Variants in DNM3 observed in about 807,000 individuals in gnomAD.
The protein encoded by DNM3 is dynamin-3.
Under a neutral mutation model 101.6 loss-of-function variants are expected in DNM3, and 47 were observed. The ratio of observed to expected loss-of-function variants is 0.46; its 90% CI spans 0.37 to 0.59. The LOEUF (loss-of-function observed/expected upper bound fraction) is 0.59. DNM3 is among the 20% of genes least tolerant of loss of function. The pLI is 0.00. For missense variants in DNM3, 849 were observed against 1,085.7 expected (o/e 0.78, Z 3.06); for synonymous variants, 385 against 387.9 (o/e 0.99, Z 0.09).
intron 14 of DNM3, among the ~76,000 whole-genome samples, chr1:172,252,450 A>C (rs1029706498): frequency 3.3e-5 from 5 of 152,174 alleles, no homozygotes; most frequent in African/African-American, 1.2e-4. Context: ...TGTAGGAACA[A>C]AAGGATTTAT....
chr1:171,890,322 T>G (rs2037157121), intron 1 of DNM3, among the ~76,000 whole-genome samples: 1 of 152,206 alleles, frequency 6.6e-6, no homozygotes, highest in African/African-American at 2.4e-5. Flanking sequence ...TCTGTGAATT[T>G]ATATAGAAGT....
chr1:171,931,930 T>TA (rs2041037624), intron 2 of DNM3, among the ~76,000 whole-genome samples: 1 of 152,154 alleles, frequency 6.6e-6, no homozygotes, highest in Non-Finnish European at 1.5e-5. Context: ...ACTGATACCT[T>TA]AAAAATATTT....
intron 4 of DNM3, among the ~76,000 whole-genome samples, chr1:172,002,798 T>C (rs951158254): frequency 6.6e-6 from 1 of 152,054 alleles, no homozygotes; most frequent in African/African-American, 2.4e-5. Context: ...AATTTGGATT[T>C]TTAAAAAGTA....
At chr1:172,044,111 G>T (rs183851780) in intron 8 of DNM3, among the ~76,000 whole-genome samples, 10 of 152,224 alleles carry the variant, frequency 6.6e-5, no homozygotes, top group Non-Finnish European at 1.2e-4. Flanking sequence ...CAAATGAATG[G>T]CTAGATTTAT....
At chr1:171,890,100 G>A (rs932924541) in intron 1 of DNM3, among the ~76,000 whole-genome samples, 6 of 152,086 alleles carry the variant, frequency 3.9e-5, no homozygotes, top group Non-Finnish European at 8.8e-5. Flanking sequence ...TTTATTCTCC[G>A]AACCATTTCT....
chr1:172,303,489 G>C (rs181934670), intron 15 of DNM3, among the ~76,000 whole-genome samples: 1 of 152,272 alleles, frequency 6.6e-6, no homozygotes, highest in African/African-American at 2.4e-5. Context: ...TTCCAACCTA[G>C]CAAGGGAGGC....
chr1:172,048,811 C>T lies in DNM3; in HGVS notation c.1335+61C>T, dbSNP rs1276616627. Reference sequence around the variant, plus strand: ...TTTGGTTTATCAACATTCCCTATCTCATTGCATGATTCTCTTTCCCTGACC... The same window carrying T: ...TTTGGTTTATCAACATTCCCTATCTTATTGCATGATTCTCTTTCCCTGACC... On this transcript the variant is annotated intron_variant, in intron 10 of 20. Coordinates refer to ENST00000627582, the MANE Select transcript of DNM3 (RefSeq NM_015569.5). 24 of 1,557,006 alleles carry T rather than the reference C, an allele frequency of 1.5e-5. No homozygotes were observed. The East Asian group carries it at 5.0e-4, about 32-fold the overall frequency.
chr1:171,874,818 C>G (rs1050740355), intron 1 of DNM3, among the ~76,000 whole-genome samples: 2 of 151,122 alleles, frequency 1.3e-5, no homozygotes, highest in Admixed American at 1.3e-4. Flanking sequence ...GCCCTTCTCC[C>G]TTCCTTTACT....
chr1:171,873,462 G>A (rs1209778233), intron 1 of DNM3, among the ~76,000 whole-genome samples: 2 of 152,102 alleles, frequency 1.3e-5, no homozygotes, highest in African/African-American at 4.8e-5. Context: ...TTTTAACTGG[G>A]GAGATGGATA....
At chr1:172,244,604 A>T (rs2061878393) in intron 14 of DNM3, among the ~76,000 whole-genome samples, 1 of 152,208 alleles carries the variant, frequency 6.6e-6, no homozygotes, top group Non-Finnish European at 1.5e-5. Flanking sequence ...ACATGAAAAA[A>T]TGTTCATCAT....
intron 14 of DNM3, among the ~76,000 whole-genome samples, chr1:172,234,995 C>T (rs1009718445): frequency 3.9e-5 from 6 of 152,142 alleles, no homozygotes; most frequent in African/African-American, 1.4e-4. Context: ...CCAAAACTGA[C>T]AAATGGGATC....
At chr1:172,351,427 A>G (rs1027194500) in intron 17 of DNM3, among the ~76,000 whole-genome samples, 1 of 152,176 alleles carries the variant, frequency 6.6e-6, no homozygotes, top group Non-Finnish European at 1.5e-5. Flanking sequence ...TTTTTTAGCA[A>G]TAAGAATTTA....
At chr1:171,983,158 C>T (rs2044942231) in intron 2 of DNM3, among the ~76,000 whole-genome samples, 1 of 152,020 alleles carries the variant, frequency 6.6e-6, no homozygotes. Context: ...AACAAAACTC[C>T]TTAAAAGAAC....
At chr1:171,864,759 A>G (rs979439724) in intron 1 of DNM3, 2 of 152,182 alleles carry the variant, frequency 1.3e-5, no homozygotes, top group African/African-American at 4.8e-5. Flanking sequence ...TATAGATTGA[A>G]TATTTGTAAA....
chr1:172,176,969 A>G (rs746714734), intron 14 of DNM3, among the ~76,000 whole-genome samples: 1 of 151,904 alleles, frequency 6.6e-6, no homozygotes, highest in African/African-American at 2.4e-5. Context: ...CTCTAGGGCT[A>G]TGAATATAGG....
At chr1:172,193,147 G>A (rs560850040) in intron 14 of DNM3, among the ~76,000 whole-genome samples, 2,089 of 151,860 alleles carry the variant, frequency 0.014, 36 homozygotes, top group African/African-American at 0.046. Context: ...GCATTTTTTC[G>A]TGTGTTTTTT....
At chr1:171,926,020 G>A (rs1345743828) in intron 2 of DNM3, among the ~76,000 whole-genome samples, 1 of 152,096 alleles carries the variant, frequency 6.6e-6, no homozygotes, top group Non-Finnish European at 1.5e-5. Context: ...GAAAATATGT[G>A]GCTTTACTTC....
At chr1:172,160,172 G>A (rs1339859683) in intron 14 of DNM3, among the ~76,000 whole-genome samples, 1 of 151,984 alleles carries the variant, frequency 6.6e-6, no homozygotes, top group Admixed American at 6.6e-5. Flanking sequence ...TGAATGGGAA[G>A]GCCTAGGAAA....
intron 4 of DNM3, among the ~76,000 whole-genome samples, chr1:172,026,689 T>C (rs1034672142): frequency 3.3e-5 from 5 of 151,892 alleles, no homozygotes; most frequent in African/African-American, 1.2e-4. Context: ...GAATCTTGGT[T>C]TGTTACCCAG....
Sources: allele counts gnomAD v4.1 joint callset (sites outside exome capture counted in the v4.1 genomes callset), GRCh38; gene constraint gnomAD v4.1.1; transcripts MANE v1.5; gene names NCBI Gene and HGNC (gene_info 2026-07-23, HGNC 2026-07-21).